OR6C1: variants seen among roughly 807,000 people sequenced by gnomAD.
OR6C1 encodes the protein olfactory receptor 6C1.
For synonymous variants in OR6C1, 157 were observed against 133.3 expected (o/e 1.18, Z -1.22); for missense variants, 386 against 366.1 (o/e 1.05, Z -0.44).
chr12:55,320,217 T>A (rs1019897469), intron 1 of OR6C1, among the ~76,000 whole-genome samples: 2 of 152,054 alleles, frequency 1.3e-5, no homozygotes, highest in African/African-American at 4.8e-5. Flanking sequence ...AATAGGAAAC[T>A]TGTATAGGGA....
chr12:55,317,399 T>C (rs1326109781), intron 1 of OR6C1, among the ~76,000 whole-genome samples: 1 of 152,074 alleles, frequency 6.6e-6, no homozygotes, highest in Non-Finnish European at 1.5e-5. Flanking sequence ...CAATAAAATG[T>C]GGTTCCCTTT....
In OR6C1 at chr12:55,320,578, GA is replaced by G; in HGVS notation, c.-16del. 4.2e-6 allele frequency: 6 copies of G among 1,422,890 alleles called. No homozygotes were observed. The highest frequency in any genetic ancestry group is 1.9e-4 in the Middle Eastern group (1 of 5,160). 88.1% of individuals were successfully genotyped at this position (1,422,890 alleles called of 1,614,324 possible). On this transcript the variant is annotated 5_prime_UTR_variant, in exon 2 of 2. It introduces an in-frame stop codon into an upstream open reading frame of the 5' UTR. Coordinates refer to ENST00000642104, the MANE Select transcript of OR6C1 (RefSeq NM_001005182.2). ...ACTTTCTCTTGTAGGTCTGGCAGGG[GA>G]AAAAAGAAAGCAACTGAAGAATGAG...
At chr12:55,317,818 C>T (rs1159023254) in intron 1 of OR6C1, among the ~76,000 whole-genome samples, 2 of 151,144 alleles carry the variant, frequency 1.3e-5, no homozygotes, top group Non-Finnish European at 3.0e-5. Context: ...ATGCAATGTA[C>T]ACAATGGGTA....
chr12:55,319,197 C>T lies in OR6C1; in HGVS notation c.-33-1370C>T, dbSNP rs372080639. Among the ~76,000 whole-genome samples the T allele has an allele frequency of 1.2e-4, 19 of 152,240 alleles. No homozygotes were observed. In the East Asian group the frequency reaches 3.7e-3, roughly 29 times the overall value. ...ATGCAATAAACTTCAGTTTTGGGCT[C>T]TTCCAGCTTACATTATTCTATACTT... On this transcript the variant is annotated intron_variant, in intron 1 of 1. Transcript: ENST00000642104.
intron 1 of OR6C1, among the ~76,000 whole-genome samples, chr12:55,318,251 TGTGTGTGTGTGTG>T (rs1278622867): frequency 4.7e-5 from 7 of 148,564 alleles, no homozygotes; most frequent in African/African-American, 1.8e-4. Flanking sequence ...TGTGTGTGTG[TGTGTGTGTGTGTG>T]GTGGTGGTGG....
rs1255310947 is a variant in OR6C1, at chr12:55,321,840, G to A, written c.*302G>A. 9.8e-6 allele frequency: 2 copies of A among 205,028 alleles called. No individual in the cohort carries two copies. The highest frequency in any genetic ancestry group is 2.0e-5 in the Non-Finnish European group (2 of 101,854). The allele number at this position is 205,028 out of a possible 1,614,324, so 12.7% of individuals were successfully genotyped here. A position where few individuals can be genotyped will look rare whatever the true frequency, so the allele number is the denominator to read the frequency against. ...AATTATACCTAGATACATTGGAATGGCTTTATAAATATCAATATGATATTC... is the reference window on the plus strand; with the variant it reads ...AATTATACCTAGATACATTGGAATGACTTTATAAATATCAATATGATATTC... On this transcript the variant is annotated 3_prime_UTR_variant, in exon 2 of 2. Transcript: ENST00000642104.
chr12:55,316,131 C>CACACACACA (rs1555172618), intron 1 of OR6C1, among the ~76,000 whole-genome samples: 9 of 121,708 alleles, frequency 7.4e-5, no homozygotes, highest in African/African-American at 3.4e-4. Flanking sequence ...ACACACACAC[C>CACACACACA]CCCCGAGAGA....
chr12:55,319,741 T>C (rs1213337170), intron 1 of OR6C1, among the ~76,000 whole-genome samples: 1 of 152,138 alleles, frequency 6.6e-6, no homozygotes, highest in Non-Finnish European at 1.5e-5. Context: ...CCTGTGTGCT[T>C]TTTCCCACCT....
chr12:55,321,147 T>G lies in OR6C1; in HGVS notation c.548T>G (p.Leu183Arg), dbSNP rs761996460. 8.7e-6 allele frequency: 14 copies of G among 1,613,916 alleles called. No homozygotes were observed. The highest frequency in any genetic ancestry group is 1.2e-5 in the Non-Finnish European group (14 of 1,179,936). Reference protein sequence around the residue: ...DHFTCDYFPLLQLACSDTKFL... With the variant: ...DHFTCDYFPLRQLACSDTKFL... ...TTTACCTGTGATTATTTTCCACTGCTGCAACTTGCTTGTTCAGACACAAAA... is the reference window on the plus strand; with the variant it reads ...TTTACCTGTGATTATTTTCCACTGCGGCAACTTGCTTGTTCAGACACAAAA... The change falls in exon 2 of 2, where the codon CTG becomes CGG. Residue 183 changes from leucine to arginine, a missense_variant. Coordinates refer to ENST00000642104, the MANE Select transcript of OR6C1 (RefSeq NM_001005182.2).
intron 1 of OR6C1, among the ~76,000 whole-genome samples, chr12:55,319,709 T>C (rs1305664649): frequency 1.3e-5 from 2 of 152,194 alleles, no homozygotes; most frequent in Non-Finnish European, 2.9e-5. Flanking sequence ...CAGAATTACA[T>C]TCTTAGAGCA....
intron 1 of OR6C1, among the ~76,000 whole-genome samples, chr12:55,319,584 G>A (rs1241483655): frequency 6.6e-6 from 1 of 152,158 alleles, no homozygotes; most frequent in Non-Finnish European, 1.5e-5. Context: ...GTAAGTTAAG[G>A]CAATGAGTAA....
Position 55,320,595 on chromosome 12 carries a change from G to A in OR6C1, c.-5G>A. The A allele has an allele frequency of 6.5e-7, 1 of 1,546,708 alleles. No individual in the cohort carries two copies. Among genetic ancestry groups the A allele is most frequent in the South Asian group, 1.2e-5 (1 of 85,370 alleles). Reference sequence around the variant, plus strand: ...TGGCAGGGGAAAAAAGAAAGCAACTGAAGAATGAGAAACCATACAGAAATA... The same window carrying A: ...TGGCAGGGGAAAAAAGAAAGCAACTAAAGAATGAGAAACCATACAGAAATA... On this transcript the variant is annotated 5_prime_UTR_variant, in exon 2 of 2. Transcript: ENST00000642104.
rs753287485 is a variant in OR6C1 at position 55,320,555 on chromosome 12, T to C, written c.-33-12T>C. The stretch of plus-strand genomic sequence containing the variant: ...AACTCTTCAAGTTTGTTCTTTGTAC[T>C]TTCTCTTGTAGGTCTGGCAGGGGAA... On this transcript the variant is annotated splice_polypyrimidine_tract_variant and intron_variant, in intron 1 of 1. Transcript: ENST00000642104. 2.6e-6 allele frequency: 3 copies of C among 1,149,786 alleles called. No homozygotes were observed. The highest frequency in any genetic ancestry group is 4.3e-5 in the Admixed American group (2 of 46,586). The allele number at this position is 1,149,786 out of a possible 1,614,324, so 71.2% of individuals were successfully genotyped here. A position where few individuals can be genotyped will look rare whatever the true frequency, so the allele number is the denominator to read the frequency against.
intron 1 of OR6C1, among the ~76,000 whole-genome samples, chr12:55,316,698 C>G (rs925436829): frequency 6.6e-6 from 1 of 151,900 alleles, no homozygotes; most frequent in Non-Finnish European, 1.5e-5. Flanking sequence ...TTTTATCAAG[C>G]TTATTTTATA....
At chr12:55,316,096 TACACACACACAC>T (rs35664107) in intron 1 of OR6C1, among the ~76,000 whole-genome samples, 1 of 140,908 alleles carries the variant, frequency 7.1e-6, no homozygotes, top group Non-Finnish European at 1.5e-5. Flanking sequence ...AAAAAGTACA[TACACACACACAC>T]ACACACACAC....
At chr12:55,317,952 TACAC>T (rs61539539) in intron 1 of OR6C1, among the ~76,000 whole-genome samples, 25 of 146,106 alleles carry the variant, frequency 1.7e-4, no homozygotes, top group African/African-American at 5.8e-4. Context: ...TGTATATATA[TACAC>T]ACACACACAC....
Position 55,321,403 on chromosome 12 carries a change from G to T in OR6C1, c.804G>T (p.Leu268Phe). 2 of 1,613,914 alleles carry T rather than the reference G, an allele frequency of 1.2e-6. No individual in the cohort carries two copies. The highest frequency in any genetic ancestry group is 1.3e-5 in the African/African-American group (1 of 75,006). Residue 268 changes from leucine to phenylalanine, a missense_variant, in exon 2 of 2, where the codon TTG becomes TTT. Transcript: ENST00000642104. ...IKPSAKDRVS[L>F]SKGVAILNTS... ...CCTCAGCAAAAGATAGAGTGTCCTTGAGCAAGGGAGTGGCAATACTAAACA... is the reference window on the plus strand; with the variant it reads ...CCTCAGCAAAAGATAGAGTGTCCTTTAGCAAGGGAGTGGCAATACTAAACA...
chr12:55,320,426 G>A (rs769941024), intron 1 of OR6C1, 141 bp from the exon 2 acceptor site: 479 of 570,012 alleles, frequency 8.4e-4, no homozygotes, highest in Non-Finnish European at 1.2e-3. Flanking sequence ...GGAAATTAAA[G>A]GACCACTGTT....
Position 55,318,560 on chromosome 12 carries a change from C to T in OR6C1, c.-33-2007C>T, listed in dbSNP as rs972985593. Among the ~76,000 whole-genome samples, 5 of 150,406 alleles carry T rather than the reference C, an allele frequency of 3.3e-5. No individual in the cohort carries two copies. In the East Asian group the frequency reaches 9.7e-4, roughly 29 times the overall value. On this transcript the variant is annotated intron_variant, in intron 1 of 1. Coordinates refer to ENST00000642104, the MANE Select transcript of OR6C1 (RefSeq NM_001005182.2). The stretch of plus-strand genomic sequence containing the variant: ...TTTCTCCATAGAACAAAGCCTCATA[C>T]AGCTTTCGCTAAATGCTAAGCATTT...
Sources: gnomAD v4.1 joint callset for allele counts (sites outside exome capture counted in the v4.1 genomes callset) on GRCh38, gnomAD v4.1.1 for gene constraint, MANE v1.5 for transcripts, NCBI Gene and HGNC (gene_info 2026-07-23, HGNC 2026-07-21) for gene names.